The following SRD5A2 variants were observed in gnomAD, a reference collection of about 807,000 sequenced individuals.
SRD5A2 encodes the protein 3-oxo-5-alpha-steroid 4-dehydrogenase 2.
In SRD5A2, 30 loss-of-function variants were observed where a neutral mutation model predicts 27.4. The ratio of observed to expected loss-of-function variants is 1.10; its 90% confidence interval spans 0.82 to 1.49. SRD5A2 has a LOEUF of 1.49. Among genes scored for constraint, SRD5A2 ranks in the 40% most tolerant of loss-of-function variants. SRD5A2 has a pLI of 0.00. For synonymous variants in SRD5A2, 141 were observed against 133.6 expected (o/e 1.06, Z -0.38); for missense variants, 348 against 323.4 (o/e 1.08, Z -0.58).
At chr2:31,529,486 C>A in intron 3 of SRD5A2, 29 bp from the exon 4 acceptor site, 1 of 1,606,348 alleles carries the variant, frequency 6.2e-7, no homozygotes, top group Non-Finnish European at 8.5e-7. Context: ...GAAGGTCAAT[C>A]ATTGCAACTG....
At chr2:31,615,733 C>T in the SRD5A2 span, among the ~76,000 whole-genome samples, 2 of 152,130 alleles carry the variant, frequency 1.3e-5, no homozygotes, top group African/African-American at 4.8e-5. Context: ...AATGTTAATC[C>T]CCAAGACAAT....
chr2:31,573,113 T>G (rs959042961), intron 1 of SRD5A2, among the ~76,000 whole-genome samples: 2 of 152,158 alleles, frequency 1.3e-5, no homozygotes, highest in African/African-American at 4.8e-5. Flanking sequence ...GAACAGGCCA[T>G]TCTTCAAGGA....
the SRD5A2 span, among the ~76,000 whole-genome samples, chr2:31,588,843 A>T: frequency 6.6e-6 from 1 of 152,186 alleles, no homozygotes; most frequent in Non-Finnish European, 1.5e-5. Context: ...ATATCACAAA[A>T]TTGGAAAATG....
intron 1 of SRD5A2, among the ~76,000 whole-genome samples, chr2:31,560,646 T>C (rs1360963917): frequency 6.6e-6 from 1 of 152,206 alleles, no homozygotes; most frequent in Non-Finnish European, 1.5e-5. Flanking sequence ...CCAGCTTTTC[T>C]TCTTTTTACT....
chr2:31,647,183 T>C, the SRD5A2 span, among the ~76,000 whole-genome samples: 1 of 151,986 alleles, frequency 6.6e-6, no homozygotes, highest in Non-Finnish European at 1.5e-5. Context: ...AGCTGTACCA[T>C]AGACACAGAG....
chr2:31,569,952 A>G (rs1325058803), intron 1 of SRD5A2, among the ~76,000 whole-genome samples: 1 of 152,208 alleles, frequency 6.6e-6, no homozygotes, highest in Non-Finnish European at 1.5e-5. Flanking sequence ...CAGATGTGTA[A>G]AGAAGAGCTG....
the SRD5A2 span, among the ~76,000 whole-genome samples, chr2:31,586,692 G>A: frequency 6.6e-6 from 1 of 152,194 alleles, no homozygotes; most frequent in South Asian, 2.1e-4. Flanking sequence ...TACTGGGATT[G>A]TGGTACCCTC....
chr2:31,601,904 A>G, the SRD5A2 span, among the ~76,000 whole-genome samples: 10 of 152,218 alleles, frequency 6.6e-5, no homozygotes, highest in Middle Eastern at 0.01. Context: ...GAAGGAACAT[A>G]CCTCAAAATA....
the SRD5A2 span, among the ~76,000 whole-genome samples, chr2:31,627,142 G>C: frequency 5.3e-5 from 8 of 152,116 alleles, no homozygotes; most frequent in Non-Finnish European, 8.8e-5. Flanking sequence ...TAGTTTATTT[G>C]CATATAAGTA....
the SRD5A2 span, among the ~76,000 whole-genome samples, chr2:31,657,261 T>C: frequency 1.3e-5 from 2 of 152,212 alleles, no homozygotes; most frequent in African/African-American, 4.8e-5. Context: ...AAACTGGGTG[T>C]GGGGTATGAG....
the SRD5A2 span, among the ~76,000 whole-genome samples, chr2:31,610,656 GAAAT>G: frequency 6.6e-6 from 1 of 151,988 alleles, no homozygotes; most frequent in Non-Finnish European, 1.5e-5. Context: ...ACAAGAAAAA[GAAAT>G]AAAAAGCATT....
chr2:31,554,213 C>T (rs1666445499), intron 1 of SRD5A2, among the ~76,000 whole-genome samples: 2 of 151,922 alleles, frequency 1.3e-5, no homozygotes, highest in Non-Finnish European at 2.9e-5. Context: ...GGAAAAAGAC[C>T]CGGGTATCTT....
the SRD5A2 span, among the ~76,000 whole-genome samples, chr2:31,617,155 A>G: frequency 1.3e-5 from 2 of 152,090 alleles, no homozygotes; most frequent in Non-Finnish European, 2.9e-5. Flanking sequence ...CTTTTTCTTT[A>G]TAAATTACCC....
the SRD5A2 span, among the ~76,000 whole-genome samples, chr2:31,611,112 AAAT>A: frequency 6.6e-6 from 1 of 152,146 alleles, no homozygotes; most frequent in Non-Finnish European, 1.5e-5. Context: ...CCATCTAAAA[AAAT>A]AATAATAATT....
At chr2:31,631,695 G>C in the SRD5A2 span, among the ~76,000 whole-genome samples, 1 of 152,158 alleles carries the variant, frequency 6.6e-6, no homozygotes, top group African/African-American at 2.4e-5. Flanking sequence ...TGCTAGATCA[G>C]ACACTAACCC....
the SRD5A2 span, among the ~76,000 whole-genome samples, chr2:31,626,521 G>T: frequency 4.6e-5 from 7 of 152,098 alleles, no homozygotes; most frequent in Non-Finnish European, 8.8e-5. Context: ...ATTATTTTGA[G>T]ATACATCCCA....
intron 1 of SRD5A2, among the ~76,000 whole-genome samples, chr2:31,567,959 G>T (rs894679695): frequency 1.3e-5 from 2 of 152,116 alleles, no homozygotes; most frequent in Admixed American, 1.3e-4. Flanking sequence ...GTGAGTGAGC[G>T]CAGGGTCCAG....
At chr2:31,647,711 T>C in the SRD5A2 span, among the ~76,000 whole-genome samples, 2 of 152,328 alleles carry the variant, frequency 1.3e-5, no homozygotes, top group African/African-American at 4.8e-5. Context: ...CTTCCAGAAG[T>C]GCTCTGTACA....
chr2:31,545,853 C>T (rs796668446), intron 1 of SRD5A2, among the ~76,000 whole-genome samples: 50 of 152,146 alleles, frequency 3.3e-4, no homozygotes, highest in Admixed American at 1.2e-3. Flanking sequence ...TGTTAATAGA[C>T]GAATTAAGCA....
Sources: gnomAD v4.1 joint callset for allele counts (sites outside exome capture counted in the v4.1 genomes callset) on GRCh38, gnomAD v4.1.1 for gene constraint, MANE v1.5 for transcripts, NCBI Gene and HGNC (gene_info 2026-07-23, HGNC 2026-07-21) for gene names.